The following CNIH3 variants were observed in gnomAD, a reference collection of about 807,000 sequenced individuals.
The protein encoded by CNIH3 is cornichon family AMPA receptor auxiliary protein 3.
A neutral mutation model predicts 24.1 loss-of-function variants in CNIH3; 14 were observed. The ratio of observed to expected loss-of-function variants is 0.58; its 90% CI spans 0.38 to 0.91. CNIH3 has a LOEUF of 0.91. Ranked by LOEUF, CNIH3 falls within the 40% of genes least tolerant of loss-of-function variation. The probability of loss-of-function intolerance (pLI) is 0.00; values close to 1 mark genes in which losing one functional copy is unlikely to be tolerated. For missense variants in CNIH3, 178 were observed against 196.8 expected (o/e 0.90, Z 0.57); for synonymous variants, 68 against 73.8 (o/e 0.92, Z 0.40).
At chr1:224,475,055 GA>G (rs58756292) in intron 1 of CNIH3, among the ~76,000 whole-genome samples, 10,047 of 95,520 alleles carry the variant, frequency 0.11, 1,220 homozygotes, top group African/African-American at 0.32. Context: ...AAAAAAAAAA[GA>G]AAAAAAAAAA....
At chr1:224,542,151 T>C (rs116028699), downstream of CNIH3, among the ~76,000 whole-genome samples, 741 of 152,362 alleles carry the variant, frequency 4.9e-3, 10 homozygotes, top group African/African-American at 0.016. Context: ...TGTTTGAAAA[T>C]GCCACAACCA....
At chr1:224,635,147 G>A (rs923165391) in intron 1 of CNIH3, among the ~76,000 whole-genome samples, 1 of 152,126 alleles carries the variant, frequency 6.6e-6, no homozygotes, top group Non-Finnish European at 1.5e-5. Context: ...CTTACATGGT[G>A]GTAGGACAGA....
chr1:224,672,768 C>T (rs992522104), intron 1 of CNIH3, among the ~76,000 whole-genome samples: 1 of 152,178 alleles, frequency 6.6e-6, no homozygotes, highest in African/African-American at 2.4e-5. Context: ...CTATTCAACA[C>T]ACAACATGGA....
chr1:224,466,767 A>G (rs977623767), intron 1 of CNIH3, among the ~76,000 whole-genome samples: 2 of 152,122 alleles, frequency 1.3e-5, no homozygotes, highest in African/African-American at 2.4e-5. Context: ...CCAGAATTTG[A>G]CATTTTTTAT....
chr1:224,470,103 C>T (rs1347881050), intron 1 of CNIH3, among the ~76,000 whole-genome samples: 1 of 151,494 alleles, frequency 6.6e-6, no homozygotes, highest in Non-Finnish European at 1.5e-5. Flanking sequence ...ACTGCAAGCT[C>T]TGCTTCCCGG....
At chr1:224,709,646 C>A (rs1688024375) in intron 3 of CNIH3, among the ~76,000 whole-genome samples, 1 of 152,190 alleles carries the variant, frequency 6.6e-6, no homozygotes, top group Non-Finnish European at 1.5e-5. Flanking sequence ...AGTTTAAGGG[C>A]AGGCAAGTCC....
intron 1 of CNIH3, among the ~76,000 whole-genome samples, chr1:224,619,188 G>T (rs1025536730): frequency 6.6e-6 from 1 of 152,240 alleles, no homozygotes; most frequent in Non-Finnish European, 1.5e-5. Flanking sequence ...TAACCAGAAA[G>T]AATCATTTTC....
At chr1:224,510,041 G>A (rs1420411594) in intron 1 of CNIH3, among the ~76,000 whole-genome samples, 1 of 152,148 alleles carries the variant, frequency 6.6e-6, no homozygotes, top group Non-Finnish European at 1.5e-5. Flanking sequence ...TCTGCTTCCC[G>A]TGGGCTCCTA....
chr1:224,514,305 A>C (rs569243582), upstream of CNIH3, among the ~76,000 whole-genome samples: 1 of 152,176 alleles, frequency 6.6e-6, no homozygotes, highest in Admixed American at 6.5e-5. Context: ...GTTAAGAATA[A>C]TCATAGAGTT....
At chr1:224,599,430 C>T (rs1036397325) in intron 3 of CNIH3, among the ~76,000 whole-genome samples, 1 of 152,166 alleles carries the variant, frequency 6.6e-6, no homozygotes, top group Non-Finnish European at 1.5e-5. Context: ...GGTTTGCTAA[C>T]AGCTTTTGGC....
At chr1:224,699,584 T>C (rs1687371163) in intron 3 of CNIH3, among the ~76,000 whole-genome samples, 1 of 152,208 alleles carries the variant, frequency 6.6e-6, no homozygotes, top group African/African-American at 2.4e-5. Context: ...TGTGTCCGTG[T>C]CCTAATTTCC....
chr1:224,577,695 A>G (rs1401840125), intron 4 of CNIH3, among the ~76,000 whole-genome samples: 1 of 152,220 alleles, frequency 6.6e-6, no homozygotes, highest in Admixed American at 6.5e-5. Flanking sequence ...CTATTGTTTG[A>G]TCCAGCAATC....
At position 224,740,545 on chromosome 1, in the gene CNIH3, G is replaced by A. The variant is rs547589184; in HGVS notation, c.*1189G>A. The A allele has an allele frequency of 6.6e-6, 1 of 152,140 alleles. No individual in the cohort carries two copies. Among genetic ancestry groups the A allele is most frequent in the Non-Finnish European group, 1.5e-5 (1 of 68,046 alleles). 9.4% of individuals were successfully genotyped at this position (152,140 alleles called of 1,614,324 possible). On this transcript the variant is annotated 3_prime_UTR_variant, in exon 6 of 6. Transcript: ENST00000272133. The stretch of plus-strand genomic sequence containing the variant: ...TGTGCTATGTTTATTAAAATGCAGC[G>A]ACAACTTGAGTGTCTCACTTAACTG...
intron 1 of CNIH3, among the ~76,000 whole-genome samples, chr1:224,504,357 A>G (rs1279472121): frequency 6.6e-6 from 1 of 152,212 alleles, no homozygotes; most frequent in Non-Finnish European, 1.5e-5. Context: ...TTTGTAAACT[A>G]TGGTGTGTTC....
intron 3 of CNIH3, among the ~76,000 whole-genome samples, chr1:224,696,770 ATT>A (rs1316483808): frequency 1.7e-5 from 2 of 117,114 alleles, no homozygotes; most frequent in Admixed American, 8.7e-5. Context: ...AAGGGGATAA[ATT>A]TGTGTGTGTG....
chr1:224,602,975 G>A (rs946301827), intron 3 of CNIH3, among the ~76,000 whole-genome samples: 4 of 152,050 alleles, frequency 2.6e-5, no homozygotes, highest in Non-Finnish European at 5.9e-5. Context: ...ACATGTCTGT[G>A]GGGAAAAAAA....
intron 3 of CNIH3, among the ~76,000 whole-genome samples, chr1:224,709,899 C>T (rs1055767748): frequency 3.9e-5 from 6 of 152,026 alleles, no homozygotes; most frequent in Admixed American, 2.0e-4. Context: ...TACCAAGCTG[C>T]GGTATATCCT....
chr1:224,573,634 A>C (rs1388443398), intron 4 of CNIH3, among the ~76,000 whole-genome samples: 1 of 152,232 alleles, frequency 6.6e-6, no homozygotes, highest in Admixed American at 6.5e-5. Flanking sequence ...TCAGGAATTC[A>C]GCAGGGCTTT....
intron 1 of CNIH3, among the ~76,000 whole-genome samples, chr1:224,460,826 A>G (rs573299341): frequency 6.7e-6 from 1 of 150,140 alleles, no homozygotes; most frequent in African/African-American, 2.4e-5. Context: ...CTGGAGTGCA[A>G]TTGCGTGACT....
Sources: gnomAD v4.1 joint callset for allele counts (sites outside exome capture counted in the v4.1 genomes callset) on GRCh38, gnomAD v4.1.1 for gene constraint, MANE v1.5 for transcripts, NCBI Gene and HGNC (gene_info 2026-07-23, HGNC 2026-07-21) for gene names.